The following ST3GAL6 variants were observed in gnomAD, a reference collection of about 807,000 sequenced individuals.
ST3GAL6 encodes the protein type 2 lactosamine alpha-2,3-sialyltransferase.
A neutral mutation model predicts 40.5 loss-of-function variants in ST3GAL6; 31 were observed. The ratio of observed to expected loss-of-function variants is 0.77; its 90% CI spans 0.58 to 1.03. The LOEUF is 1.03. Among genes scored for constraint, ST3GAL6 ranks in the 50% least tolerant of loss-of-function variants. ST3GAL6 has a pLI of 0.00. For synonymous variants in ST3GAL6, 129 were observed against 136.9 expected, an observed-to-expected ratio of 0.94 and a Z score of 0.40; for missense variants, 357 against 393.2, an observed-to-expected ratio of 0.91 and a Z score of 0.78.
chr3:98,733,512 T>A, intron 1 of ST3GAL6: 1 of 986,436 alleles, frequency 1.0e-6, no homozygotes, highest in Non-Finnish European at 1.2e-6. Context: ...ATAAAGTTTT[T>A]CGAGAAACCC....
chr3:98,736,397 AATGGAAAGATCTTTAGGAC>A (rs1935548371), intron 1 of ST3GAL6, among the ~76,000 whole-genome samples: 1 of 152,052 alleles, frequency 6.6e-6, no homozygotes, highest in South Asian at 2.1e-4. Context: ...TTTGGTTGGG[AATGGAAAGATCTTTAGGAC>A]ATGATGAGAA....
intron 1 of ST3GAL6, among the ~76,000 whole-genome samples, chr3:98,751,310 ACTTT>A (rs1163278410): frequency 1.3e-5 from 2 of 152,234 alleles, no homozygotes; most frequent in Non-Finnish European, 2.9e-5. Flanking sequence ...CAGGAACTAT[ACTTT>A]CTATACATTT....
At chr3:98,744,668 A>G (rs2107302884) in intron 1 of ST3GAL6, among the ~76,000 whole-genome samples, 1 of 151,982 alleles carries the variant, frequency 6.6e-6, no homozygotes, top group East Asian at 1.9e-4. Flanking sequence ...AAGTGTTCTT[A>G]TTCATCCTCC....
chr3:98,737,370 CTCTT>C (rs768432579), intron 1 of ST3GAL6, among the ~76,000 whole-genome samples: 7 of 152,120 alleles, frequency 4.6e-5, no homozygotes, highest in Non-Finnish European at 8.8e-5. Context: ...CTCTCTGTCT[CTCTT>C]TCTCTCTCTC....
rs1312270405 is a variant in ST3GAL6 at position 98,763,401 on chromosome 3, A to G, written c.-50A>G. On this transcript the variant is annotated 5_prime_UTR_variant, in exon 1 of 10. Coordinates refer to ENST00000483910, the MANE Select transcript of ST3GAL6 (RefSeq NM_001323368.2). ...GACGGCCTGTCCAGGGGCTGAATGG[A>G]CACAGGTGTCAGCAGGGCCACCTGG... 2 of 1,289,718 alleles carry G rather than the reference A, an allele frequency of 1.6e-6. No homozygotes were observed. The highest frequency in any genetic ancestry group is 2.0e-6 in the Non-Finnish European group (2 of 988,894). 79.9% of individuals were successfully genotyped at this position (1,289,718 alleles called of 1,614,324 possible). A position where few individuals can be genotyped will look rare whatever the true frequency, so the allele number is the denominator to read the frequency against.
chr3:98,787,882 C>T (rs949356900), intron 6 of ST3GAL6, among the ~76,000 whole-genome samples, 154 bp from the exon 7 acceptor site: 82 of 152,350 alleles, frequency 5.4e-4, no homozygotes, highest in African/African-American at 1.9e-3. Flanking sequence ...ATCTCCTTGG[C>T]CATTATGTGT....
chr3:98,759,555 T>G (rs278374), upstream of ST3GAL6, among the ~76,000 whole-genome samples: 61,617 of 151,982 alleles, frequency 0.41, 12,905 homozygotes, highest in Middle Eastern at 0.56. Context: ...TGTAAAATGT[T>G]CTTCTTTATT....
At chr3:98,785,097 G>A (rs62278486) in intron 6 of ST3GAL6, 57 bp downstream of exon 6, 558,795 of 1,279,176 alleles carry the variant, frequency 0.44, 123,417 homozygotes, top group Non-Finnish European at 0.46. Context: ...ATGGTTTCTT[G>A]CCTTAATACA....
At chr3:98,784,896 A>C in intron 5 of ST3GAL6, 49 bp from the exon 6 acceptor site, 1 of 1,439,302 alleles carries the variant, frequency 6.9e-7, no homozygotes, top group South Asian at 1.2e-5. Flanking sequence ...TCTTGGAATC[A>C]GTTTTGTAAA....
chr3:98,780,656 T>A (rs536176934), intron 5 of ST3GAL6, among the ~76,000 whole-genome samples: 22 of 152,338 alleles, frequency 1.4e-4, no homozygotes, highest in African/African-American at 5.3e-4. Context: ...AGAAGAGATC[T>A]GCCTGAAACC....
At chr3:98,739,675 A>T (rs1935894317) in intron 1 of ST3GAL6, among the ~76,000 whole-genome samples, 2 of 152,358 alleles carry the variant, frequency 1.3e-5, no homozygotes, top group Admixed American at 1.3e-4. Flanking sequence ...GGAAGCAGAT[A>T]TAGGGAATGT....
Position 98,795,074 on chromosome 3 carries a change from T to C in ST3GAL6, c.*1313T>C, listed in dbSNP as rs1012071406. The C allele has an allele frequency of 6.6e-6, 1 of 152,228 alleles. No homozygotes were observed. Among genetic ancestry groups the C allele is most frequent in the Non-Finnish European group, 1.5e-5 (1 of 68,044 alleles). 9.4% of individuals were successfully genotyped at this position (152,228 alleles called of 1,614,324 possible). A position where few individuals can be genotyped will look rare whatever the true frequency, so the allele number is the denominator to read the frequency against. On this transcript the variant is annotated 3_prime_UTR_variant, in exon 10 of 10. Coordinates refer to ENST00000483910, the MANE Select transcript of ST3GAL6 (RefSeq NM_001323368.2). ...CAATCCTACAAATGTGGTGAGCTAG[T>C]CTTCCTTCCTATATTTTAATAAATG...
intron 5 of ST3GAL6, among the ~76,000 whole-genome samples, chr3:98,781,740 C>T (rs1940148782): frequency 6.6e-6 from 1 of 152,162 alleles, no homozygotes; most frequent in Non-Finnish European, 1.5e-5. Flanking sequence ...GAGGATTGGC[C>T]TACAGCCTTC....
intron 1 of ST3GAL6, chr3:98,756,693 T>C: frequency 1.7e-6 from 1 of 576,234 alleles, no homozygotes; most frequent in Non-Finnish European, 2.4e-6. Flanking sequence ...TTACTAGTTT[T>C]GCAGCCTGGG....
chr3:98,763,926 G>A (rs761398324), intron 1 of ST3GAL6, among the ~76,000 whole-genome samples: 5 of 152,118 alleles, frequency 3.3e-5, no homozygotes, highest in Admixed American at 6.6e-5. Context: ...GCTGCTAGTC[G>A]AGGGCTCCTC....
intron 5 of ST3GAL6, among the ~76,000 whole-genome samples, chr3:98,775,131 C>T (rs1939399984): frequency 6.6e-6 from 1 of 152,150 alleles, no homozygotes; most frequent in Non-Finnish European, 1.5e-5. Context: ...ATGCCAGACC[C>T]AGGATGTGAA....
At chr3:98,781,466 T>C (rs985448375) in intron 5 of ST3GAL6, among the ~76,000 whole-genome samples, 1 of 132,824 alleles carries the variant, frequency 7.5e-6, no homozygotes, top group Non-Finnish European at 1.7e-5. Flanking sequence ...ATCCCAGAAC[T>C]TAAAGTATAA....
chr3:98,757,749 G>A (rs1937520196), intron 1 of ST3GAL6, among the ~76,000 whole-genome samples: 2 of 152,160 alleles, frequency 1.3e-5, no homozygotes, highest in African/African-American at 4.8e-5. Flanking sequence ...TTTCGTAAAG[G>A]TTGGTTTTGA....
chr3:98,748,718 G>C (rs754273776), intron 1 of ST3GAL6, among the ~76,000 whole-genome samples: 11 of 152,096 alleles, frequency 7.2e-5, no homozygotes, highest in Non-Finnish European at 1.3e-4. Context: ...TGCCCGCCTT[G>C]GCCTCCCAAA....
Sources: gnomAD v4.1 joint callset for allele counts (sites outside exome capture counted in the v4.1 genomes callset) on GRCh38, gnomAD v4.1.1 for gene constraint, MANE v1.5 for transcripts, NCBI Gene and HGNC (gene_info 2026-07-23, HGNC 2026-07-21) for gene names.